RMST: variants seen among roughly 807,000 people sequenced by gnomAD.
RMST encodes the protein rhabdomyosarcoma 2 associated transcript.
intron 5 of RMST, among the ~76,000 whole-genome samples, chr12:97,485,092 G>A (rs1462448299): frequency 6.6e-6 from 1 of 152,084 alleles, no homozygotes; most frequent in Non-Finnish European, 1.5e-5. Flanking sequence ...AAAAAGCTCT[G>A]GTCAGATAAC....
chr12:97,543,477 C>T (rs1882709435), intron 11 of RMST, among the ~76,000 whole-genome samples: 2 of 151,944 alleles, frequency 1.3e-5, no homozygotes, highest in South Asian at 2.1e-4. Flanking sequence ...ATAATGAGCG[C>T]TCTATATATG....
chr12:97,524,499 T>C (rs17027120), intron 10 of RMST, among the ~76,000 whole-genome samples: 1 of 152,152 alleles, frequency 6.6e-6, no homozygotes, highest in Non-Finnish European at 1.5e-5. Context: ...AAAATTATGA[T>C]GCTGACAATG....
chr12:97,504,218 AC>A (rs1208182029), intron 10 of RMST, among the ~76,000 whole-genome samples: 2 of 152,206 alleles, frequency 1.3e-5, no homozygotes, highest in African/African-American at 4.8e-5. Flanking sequence ...AGCCTGGCCA[AC>A]ATGGCAAACC....
At chr12:97,485,768 G>T (rs1385511677) in intron 5 of RMST, among the ~76,000 whole-genome samples, 2 of 152,322 alleles carry the variant, frequency 1.3e-5, no homozygotes, top group East Asian at 3.9e-4. Context: ...TCCAAGTCAA[G>T]AACTTTTTCC....
intron 10 of RMST, among the ~76,000 whole-genome samples, chr12:97,512,310 G>A (rs1470169534): frequency 6.6e-6 from 1 of 152,172 alleles, no homozygotes; most frequent in African/African-American, 2.4e-5. Context: ...CCCAAAGAGT[G>A]AGCAGCAGCA....
chr12:97,513,666 A>G (rs562019360), intron 10 of RMST, among the ~76,000 whole-genome samples: 1 of 152,314 alleles, frequency 6.6e-6, no homozygotes, highest in South Asian at 2.1e-4. Context: ...GTAAATTAGA[A>G]CTGCAATGAG....
intron 10 of RMST, among the ~76,000 whole-genome samples, chr12:97,523,933 G>A (rs1469467999): frequency 2.0e-5 from 3 of 151,540 alleles, no homozygotes; most frequent in Non-Finnish European, 4.4e-5. Context: ...AAAATTAGCC[G>A]GGCATGGTGG....
intron 10 of RMST, among the ~76,000 whole-genome samples, chr12:97,517,120 A>G (rs1451389001): frequency 6.6e-6 from 1 of 152,036 alleles, no homozygotes; most frequent in East Asian, 1.9e-4. Context: ...AAAGATTGAT[A>G]GATGAATAAA....
chr12:97,497,948 T>C (rs1241920634), intron 10 of RMST, among the ~76,000 whole-genome samples: 1 of 152,120 alleles, frequency 6.6e-6, no homozygotes, highest in Non-Finnish European at 1.5e-5. Context: ...TTGAACAGAT[T>C]CATCTTGAAA....
At chr12:97,469,182 A>ATG (rs1178044914) in intron 5 of RMST, among the ~76,000 whole-genome samples, 1 of 112,702 alleles carries the variant, frequency 8.9e-6, no homozygotes, top group Admixed American at 8.9e-5. Flanking sequence ...GTGTGTGTGT[A>ATG]TGTGTGTATA....
At chr12:97,519,653 T>A (rs1475713172) in intron 10 of RMST, among the ~76,000 whole-genome samples, 1 of 152,238 alleles carries the variant, frequency 6.6e-6, no homozygotes, top group Non-Finnish European at 1.5e-5. Context: ...GAAAATTGTT[T>A]AGATGTTCAG....
At chr12:97,508,001 G>A (rs1476596351) in intron 10 of RMST, among the ~76,000 whole-genome samples, 2 of 152,182 alleles carry the variant, frequency 1.3e-5, no homozygotes, top group East Asian at 3.9e-4. Context: ...AAGAAACTCA[G>A]TGGTATCAAA....
chr12:97,561,270 C>T (rs963455355), intron 13 of RMST, among the ~76,000 whole-genome samples: 5 of 152,096 alleles, frequency 3.3e-5, no homozygotes, highest in African/African-American at 1.2e-4. Context: ...GGCTCTCCTC[C>T]GAGCCAATGA....
intron 10 of RMST, among the ~76,000 whole-genome samples, chr12:97,510,908 C>T (rs554689019): frequency 6.6e-6 from 1 of 152,086 alleles, no homozygotes; most frequent in Non-Finnish European, 1.5e-5. Context: ...TGTGCAAACA[C>T]AATTTATTCA....
intron 11 of RMST, among the ~76,000 whole-genome samples, chr12:97,557,160 G>A (rs1268854375): frequency 1.3e-5 from 2 of 152,150 alleles, no homozygotes; most frequent in African/African-American, 4.8e-5. Flanking sequence ...GTTGTTAGAT[G>A]GCATTTTGTT....
At chr12:97,519,444 T>C (rs1880286300) in intron 10 of RMST, among the ~76,000 whole-genome samples, 1 of 152,216 alleles carries the variant, frequency 6.6e-6, no homozygotes, top group Non-Finnish European at 1.5e-5. Flanking sequence ...ATGCTTACCA[T>C]TTGTTCGAGT....
chr12:97,512,376 AGCC>A (rs557101359), intron 10 of RMST, among the ~76,000 whole-genome samples: 70 of 152,260 alleles, frequency 4.6e-4, no homozygotes, highest in African/African-American at 1.6e-3. Context: ...AGGGGACCCG[AGCC>A]GGTTAACACT....
At chr12:97,563,703 C>T (rs1260263284) in intron 13 of RMST, 4 of 434,610 alleles carry the variant, frequency 9.2e-6, no homozygotes, top group Non-Finnish European at 1.8e-5. Flanking sequence ...AGTGTGCTTC[C>T]TGTCACTTAT....
chr12:97,530,810 G>A (rs991138287), exon 11 of RMST: 1 of 152,074 alleles, frequency 6.6e-6, no homozygotes, highest in Non-Finnish European at 1.5e-5. Flanking sequence ...AAGGTGGAAC[G>A]ACAGAGCTGT....
Sources: gnomAD v4.1 joint callset for allele counts (sites outside exome capture counted in the v4.1 genomes callset) on GRCh38, gnomAD v4.1.1 for gene constraint, MANE v1.5 for transcripts, NCBI Gene and HGNC (gene_info 2026-07-23, HGNC 2026-07-21) for gene names.